RMDN2: variants seen among roughly 807,000 people sequenced by gnomAD.
RMDN2 encodes the protein regulator of microtubule dynamics 2, also known as regulator of microtubule dynamics protein 2.
Under a neutral mutation model 52.8 loss-of-function variants are expected in RMDN2, and 61 were observed. The observed-to-expected ratio is 1.16, with a 90% CI of 0.94 to 1.43. The LOEUF is 1.43. Among genes scored for constraint, RMDN2 ranks in the 40% most tolerant of loss-of-function variants. The pLI, the probability that RMDN2 is intolerant of heterozygous loss-of-function variation, is 0.00. For missense variants in RMDN2, 592 were observed against 475.3 expected (o/e 1.25, Z -2.28); for synonymous variants, 180 against 153.1 (o/e 1.18, Z -1.30).
chr2:37,977,444 C>T (rs189874910), intron 4 of RMDN2, among the ~76,000 whole-genome samples: 2,270 of 150,042 alleles, frequency 0.015, 54 homozygotes, highest in African/African-American at 0.052. Flanking sequence ...ACCTCCCAGA[C>T]GGGGCGGCTG....
intron 10 of RMDN2, among the ~76,000 whole-genome samples, chr2:38,046,748 G>A (rs1573227903): frequency 6.6e-6 from 1 of 152,172 alleles, no homozygotes; most frequent in African/African-American, 2.4e-5. Flanking sequence ...ACTTTGGGAG[G>A]CCGAGCTGGG....
chr2:38,021,983 T>C (rs1196133518), downstream of RMDN2, among the ~76,000 whole-genome samples: 2 of 152,164 alleles, frequency 1.3e-5, no homozygotes, highest in African/African-American at 2.4e-5. Flanking sequence ...TCCAATCCAG[T>C]GAGGGAGGTG....
At chr2:38,053,416 C>G (rs573617867) in intron 10 of RMDN2, among the ~76,000 whole-genome samples, 16 of 152,274 alleles carry the variant, frequency 1.1e-4, no homozygotes, top group African/African-American at 3.9e-4. Context: ...ATATGTGCCA[C>G]AGCAGGAGAG....
At chr2:38,047,666 C>T (rs1330118821) in intron 10 of RMDN2, among the ~76,000 whole-genome samples, 1 of 151,978 alleles carries the variant, frequency 6.6e-6, no homozygotes, top group Non-Finnish European at 1.5e-5. Flanking sequence ...AAATGTATTC[C>T]TAAATATTGC....
At chr2:37,971,210 A>G (rs988459397) in intron 2 of RMDN2, among the ~76,000 whole-genome samples, 1 of 152,160 alleles carries the variant, frequency 6.6e-6, no homozygotes, top group Non-Finnish European at 1.5e-5. Context: ...CAAACATTTT[A>G]TAGTTCTAGC....
chr2:38,064,404 C>CA (rs1327793049), intron 10 of RMDN2, among the ~76,000 whole-genome samples: 1 of 151,348 alleles, frequency 6.6e-6, no homozygotes, highest in East Asian at 1.9e-4. Context: ...ACAGGAGAAT[C>CA]ACTTGAACCT....
chr2:37,937,222 G>C (rs933204433), intron 2 of RMDN2, among the ~76,000 whole-genome samples: 1 of 152,024 alleles, frequency 6.6e-6, no homozygotes, highest in Non-Finnish European at 1.5e-5. Context: ...GTAGATGTGT[G>C]GTGTTATTTC....
At chr2:37,982,246 T>C (rs1484270811) in intron 5 of RMDN2, among the ~76,000 whole-genome samples, 1 of 152,206 alleles carries the variant, frequency 6.6e-6, no homozygotes, top group Non-Finnish European at 1.5e-5. Flanking sequence ...TACAAACCAT[T>C]TCCTCAAAGG....
chr2:37,952,335 A>C (rs1668938944), intron 2 of RMDN2: 1 of 786,012 alleles, frequency 1.3e-6, no homozygotes, highest in Non-Finnish European at 2.0e-6. Context: ...TCTGAAGAAG[A>C]TTCCTACATT....
At chr2:38,001,220 C>A (rs920679688) in intron 8 of RMDN2, among the ~76,000 whole-genome samples, 1 of 152,204 alleles carries the variant, frequency 6.6e-6, no homozygotes. Flanking sequence ...AACATGGCAT[C>A]AAATACTGGG....
At chr2:37,981,986 T>G (rs1213821395) in intron 5 of RMDN2, among the ~76,000 whole-genome samples, 1 of 152,290 alleles carries the variant, frequency 6.6e-6, no homozygotes, top group East Asian at 1.9e-4. Flanking sequence ...ATTTGTTTTC[T>G]TTTTCTCTTG....
intron 10 of RMDN2, among the ~76,000 whole-genome samples, chr2:38,005,388 G>A (rs1676936855): frequency 1.3e-5 from 2 of 152,100 alleles, no homozygotes; most frequent in Admixed American, 6.6e-5. Context: ...TTTAATGATT[G>A]CCATTCTAAC....
At chr2:37,964,173 TCAGA>T (rs1004152476) in intron 2 of RMDN2, among the ~76,000 whole-genome samples, 6 of 146,902 alleles carry the variant, frequency 4.1e-5, no homozygotes, top group African/African-American at 1.0e-4. Flanking sequence ...TCCTCACTTC[TCAGA>T]CAGGGCAGCT....
At chr2:38,030,724 C>T (rs1680137853) in intron 10 of RMDN2, 1 of 152,130 alleles carries the variant, frequency 6.6e-6, no homozygotes, top group Admixed American at 6.5e-5. Context: ...CATCATTTGA[C>T]CATGGAGAAA....
intron 2 of RMDN2, among the ~76,000 whole-genome samples, chr2:37,939,827 C>G (rs914397331): frequency 1.3e-5 from 2 of 152,132 alleles, no homozygotes; most frequent in African/African-American, 2.4e-5. Flanking sequence ...ACCAATGGGT[C>G]TTGACTCTTT....
chr2:37,988,519 G>T (rs993917248), intron 5 of RMDN2, among the ~76,000 whole-genome samples: 2 of 152,136 alleles, frequency 1.3e-5, no homozygotes, highest in Admixed American at 6.5e-5. Context: ...TCCATATGTG[G>T]TATGAATTAA....
At chr2:37,958,392 A>T (rs142981439) in intron 2 of RMDN2, among the ~76,000 whole-genome samples, 1 of 143,878 alleles carries the variant, frequency 7.0e-6, no homozygotes, top group African/African-American at 3.0e-5. Flanking sequence ...TAGGTATTTT[A>T]TTCTATTTGT....
intron 10 of RMDN2, among the ~76,000 whole-genome samples, chr2:38,063,627 G>A (rs1430268722): frequency 6.6e-6 from 1 of 152,000 alleles, no homozygotes; most frequent in Admixed American, 6.6e-5. Context: ...CCTACAGAAT[G>A]GGAGAAAATT....
At chr2:37,925,698 C>G (rs74753841) in intron 1 of RMDN2, among the ~76,000 whole-genome samples, 26,026 of 152,246 alleles carry the variant, frequency 0.17, 2,601 homozygotes, top group Non-Finnish European at 0.23. Flanking sequence ...GCACGCGGAC[C>G]CTTCTGGGGT....
Sources: gnomAD v4.1 joint callset for allele counts (sites outside exome capture counted in the v4.1 genomes callset) on GRCh38, gnomAD v4.1.1 for gene constraint, MANE v1.5 for transcripts, NCBI Gene and HGNC (gene_info 2026-07-23, HGNC 2026-07-21) for gene names.